The following KANSL1L variants were observed in gnomAD, a reference collection of about 807,000 sequenced individuals.
KANSL1L encodes the protein KAT8 regulatory NSL complex subunit 1 like.
KANSL1L carries 25 observed loss-of-function variants against 108.6 expected under a neutral mutation model. The observed-to-expected ratio is 0.23, with a 90% confidence interval of 0.17 to 0.32. The LOEUF is 0.32. KANSL1L is among the 10% of genes least tolerant of loss of function. The pLI is 1.00. For synonymous variants in KANSL1L, 405 were observed against 395.1 expected (o/e 1.03, Z -0.30); for missense variants, 1,137 against 1,125.7 (o/e 1.01, Z -0.14).
intron 2 of KANSL1L, among the ~76,000 whole-genome samples, chr2:210,138,099 C>A (rs2095191162): frequency 6.6e-6 from 1 of 151,802 alleles, no homozygotes; most frequent in Non-Finnish European, 1.5e-5. Context: ...TAAAAATGTG[C>A]ATTTTGGAAT....
intron 5 of KANSL1L, among the ~76,000 whole-genome samples, chr2:210,082,178 C>T (rs1395033117): frequency 1.3e-5 from 2 of 152,166 alleles, no homozygotes; most frequent in South Asian, 2.1e-4. Context: ...GCGATCCTTC[C>T]GTCTCAGCCT....
intron 6 of KANSL1L, chr2:210,064,144 TAA>T (rs1219569282): frequency 2.0e-5 from 3 of 152,310 alleles, no homozygotes; most frequent in African/African-American, 4.8e-5. Flanking sequence ...CCATCTACGT[TAA>T]GACATGACTT....
At chr2:210,101,765 T>C (rs73984328) in intron 4 of KANSL1L, among the ~76,000 whole-genome samples, 2,516 of 152,320 alleles carry the variant, frequency 0.017, 67 homozygotes, top group African/African-American at 0.057. Context: ...TAAGAAAAAC[T>C]CTGGGCAATT....
intron 3 of KANSL1L, among the ~76,000 whole-genome samples, chr2:210,119,731 TAATG>T (rs2094996120): frequency 6.6e-6 from 1 of 152,188 alleles, no homozygotes; most frequent in African/African-American, 2.4e-5. Flanking sequence ...GCTAGTATCT[TAATG>T]AATGGGAGAG....
At chr2:210,090,076 A>G (rs1346710092) in intron 5 of KANSL1L, among the ~76,000 whole-genome samples, 1 of 152,224 alleles carries the variant, frequency 6.6e-6, no homozygotes, top group Non-Finnish European at 1.5e-5. Flanking sequence ...TATACTATCT[A>G]AGATAAGAAA....
chr2:210,110,611 T>C (rs181668638), intron 3 of KANSL1L, among the ~76,000 whole-genome samples: 101 of 152,260 alleles, frequency 6.6e-4, no homozygotes, highest in Non-Finnish European at 1.5e-5. Flanking sequence ...AAAGAATTCC[T>C]TGTGGTACAG....
At chr2:210,142,170 T>G (rs2095235288) in intron 2 of KANSL1L, among the ~76,000 whole-genome samples, 1 of 151,988 alleles carries the variant, frequency 6.6e-6, no homozygotes, top group Non-Finnish European at 1.5e-5. Context: ...TTTATTACTG[T>G]TTTAATCTCT....
intron 2 of KANSL1L, among the ~76,000 whole-genome samples, chr2:210,133,385 GATACAGAACCTGGGA>G (rs1310294803): frequency 6.6e-6 from 1 of 151,792 alleles, no homozygotes; most frequent in East Asian, 1.9e-4. Flanking sequence ...TTGATACACA[GATACAGAACCTGGGA>G]ATACAGAGAA....
At chr2:210,031,060 C>T in intron 9 of KANSL1L, 1 of 164,614 alleles carries the variant, frequency 6.1e-6, no homozygotes, top group Non-Finnish European at 1.3e-5. Context: ...AGTGCATCAA[C>T]ATCTCCACAG....
intron 3 of KANSL1L, among the ~76,000 whole-genome samples, chr2:210,113,555 G>A (rs1027578750): frequency 1.3e-5 from 2 of 151,766 alleles, no homozygotes; most frequent in Non-Finnish European, 2.9e-5. Flanking sequence ...AGGAAAAATG[G>A]AGCATTCAAA....
chr2:210,131,548 T>C (rs1299262560), intron 2 of KANSL1L, among the ~76,000 whole-genome samples: 2 of 152,098 alleles, frequency 1.3e-5, no homozygotes, highest in South Asian at 2.1e-4. Context: ...ATTGTACTTC[T>C]GGTAAAGATA....
chr2:210,129,190 ACT>A lies in KANSL1L; in HGVS notation c.1089-20_1089-19del, dbSNP rs1244997399. 3.2e-6 allele frequency: 5 copies of A among 1,579,698 alleles called. No individual in the cohort carries two copies. The highest frequency in any genetic ancestry group is 1.4e-5 in the African/African-American group (1 of 73,720). The stretch of plus-strand genomic sequence containing the variant: ...TACAGTTACTGTGAACAAAACAAAC[ACT>A]GTTACTCAAAGCACAAAGGCAATCA... On this transcript the variant is annotated intron_variant, in intron 2 of 14. Transcript: ENST00000281772.
chr2:210,096,878 G>T, intron 5 of KANSL1L: 1 of 537,464 alleles, frequency 1.9e-6, no homozygotes, highest in Non-Finnish European at 2.4e-6. Flanking sequence ...AAGTATTAAA[G>T]ATTAGATGTT....
chr2:210,049,453 T>C (rs1055990736), intron 6 of KANSL1L, among the ~76,000 whole-genome samples: 8 of 152,044 alleles, frequency 5.3e-5, no homozygotes, highest in African/African-American at 1.9e-4. Flanking sequence ...ACCATACCAC[T>C]GGAGTCAGAA....
rs199531929 is a variant in KANSL1L, at chr2:210,024,020, A to C, written c.2733+13T>G. On this transcript the variant is annotated intron_variant, in intron 14 of 14. Transcript: ENST00000281772. ...CAAGGAATGGGAAGTTTAATCATAC[A>C]TATTACACTTACCTTGGTTTCTTGA... 129 of 1,528,170 alleles carry C rather than the reference A, an allele frequency of 8.4e-5. 2 individuals carry two copies. In the East Asian group the frequency reaches 2.9e-3, roughly 34 times the overall value. The allele number at this position is 1,528,170 out of a possible 1,614,324, so 94.7% of individuals were successfully genotyped here.
At chr2:210,085,916 ATATT>A (rs923410299) in intron 5 of KANSL1L, among the ~76,000 whole-genome samples, 11 of 149,474 alleles carry the variant, frequency 7.4e-5, no homozygotes, top group African/African-American at 2.4e-4. Context: ...TTGTAATTAA[ATATT>A]TATTAATAAT....
intron 6 of KANSL1L, among the ~76,000 whole-genome samples, chr2:210,049,013 G>A (rs1225401729): frequency 6.6e-6 from 1 of 152,064 alleles, no homozygotes; most frequent in Non-Finnish European, 1.5e-5. Context: ...ACAGCCCAAG[G>A]CTAAGAAAGG....
intron 6 of KANSL1L, among the ~76,000 whole-genome samples, chr2:210,069,260 T>G (rs990391402): frequency 1.2e-4 from 18 of 152,226 alleles, no homozygotes; most frequent in African/African-American, 3.1e-4. Flanking sequence ...CATTTCCTTC[T>G]GAAACTTCAC....
chr2:210,122,309 C>T lies in KANSL1L; in HGVS notation c.1230+6722G>A, dbSNP rs139741105. On this transcript the variant is annotated intron_variant, in intron 3 of 14. Coordinates refer to ENST00000281772, the MANE Select transcript of KANSL1L (RefSeq NM_152519.4). Reference sequence around the variant, plus strand: ...TACTACAGAGCTGTATTAATCAAAACGGCACAGTACTGGCATAAAAATAGA... The same window carrying T: ...TACTACAGAGCTGTATTAATCAAAATGGCACAGTACTGGCATAAAAATAGA... Among the ~76,000 whole-genome samples the T allele has an allele frequency of 2.2e-4, 33 of 152,192 alleles. No homozygotes were observed. In the East Asian group the frequency reaches 4.6e-3, roughly 21 times the overall value.
Sources: allele counts gnomAD v4.1 joint callset (sites outside exome capture counted in the v4.1 genomes callset), GRCh38; gene constraint gnomAD v4.1.1; transcripts MANE v1.5; gene names NCBI Gene and HGNC (gene_info 2026-07-23, HGNC 2026-07-21).